Variants in SERPINE3 observed in about 807,000 individuals in gnomAD.
SERPINE3 encodes the protein serpin E3.
In SERPINE3, 43 loss-of-function variants were observed where a neutral mutation model predicts 41.7. The ratio of observed to expected loss-of-function variants is 1.03; its 90% confidence interval spans 0.81 to 1.33. SERPINE3 has a LOEUF of 1.33. Ranked by LOEUF, SERPINE3 falls within the 40% of genes most tolerant of loss-of-function variation. The probability of loss-of-function intolerance (pLI) is 0.00; values close to 1 mark genes in which losing one functional copy is unlikely to be tolerated. For synonymous variants in SERPINE3, 200 were observed against 192.2 expected (o/e 1.04, Z -0.34); for missense variants, 440 against 491.7 (o/e 0.89, Z 0.99).
intron 7 of SERPINE3, among the ~76,000 whole-genome samples, chr13:51,356,907 G>A (rs1466697263): frequency 2.0e-5 from 3 of 151,890 alleles, no homozygotes; most frequent in Non-Finnish European, 2.9e-5. Context: ...TATGAAGCTT[G>A]CATTCACATT....
intron 7 of SERPINE3, among the ~76,000 whole-genome samples, chr13:51,355,430 C>T (rs1955466642): frequency 6.6e-6 from 1 of 152,158 alleles, no homozygotes; most frequent in Non-Finnish European, 1.5e-5. Flanking sequence ...ACCGTCATGA[C>T]TAGGAGTGTA....
At chr13:51,361,085 C>A (rs535321138) in intron 7 of SERPINE3, among the ~76,000 whole-genome samples, 193 bp from the exon 8 acceptor site, 24 of 152,030 alleles carry the variant, frequency 1.6e-4, no homozygotes, top group South Asian at 1.5e-3. Context: ...CATATTGAGT[C>A]TTAAGAATTT....
chr13:51,364,715 A>G lies in SERPINE3; in HGVS notation c.*433A>G, dbSNP rs887894950. 12 of 153,986 alleles carry G rather than the reference A, an allele frequency of 7.8e-5. No homozygotes were observed. The highest frequency in any genetic ancestry group is 2.9e-4 in the African/African-American group (12 of 41,496). 9.5% of individuals were successfully genotyped at this position (153,986 alleles called of 1,614,324 possible). On this transcript the variant is annotated 3_prime_UTR_variant, in exon 10 of 10. Coordinates refer to ENST00000681248, the MANE Select transcript of SERPINE3 (RefSeq NM_001386375.1). ...TCCTTTCCATTTAGCTTATAAATAA[A>G]ACAGAGTTTAAGTGTGAGAACAGCA...
chr13:51,362,841 G>A (rs1437726545), intron 9 of SERPINE3: 3 of 152,428 alleles, frequency 2.0e-5, no homozygotes, highest in East Asian at 3.9e-4. Flanking sequence ...TTTTTGTGAC[G>A]AGAAAGATAT....
intron 3 of SERPINE3, among the ~76,000 whole-genome samples, chr13:51,342,121 A>G (rs1955298055): frequency 2.7e-5 from 4 of 147,484 alleles, no homozygotes; most frequent in Admixed American, 2.1e-4. Flanking sequence ...ACAGATACTC[A>G]CACACATTAA....
In SERPINE3 at chr13:51,344,502, C is replaced by T. The variant is rs1223294660; in HGVS notation, c.490+17C>T. 6.5e-7 allele frequency: 1 copy of T among 1,538,512 alleles called. No individual in the cohort carries two copies. Among genetic ancestry groups the T allele is most frequent in the Non-Finnish European group, 8.8e-7 (1 of 1,133,016 alleles). ...AGACTGCAGGTAAAAGAAAACTGTA[C>T]ATTTCAACAAGGCTAAGGCAGAGGG... On this transcript the variant is annotated intron_variant, in intron 4 of 9. Coordinates refer to ENST00000681248, the MANE Select transcript of SERPINE3 (RefSeq NM_001386375.1).
chr13:51,347,129 C>A lies in SERPINE3; in HGVS notation c.595C>A (p.Arg199=), dbSNP rs373124761. Residue 199 remains arginine (R), a synonymous_variant, in exon 5 of 10, where the codon CGA becomes AGA. Transcript: ENST00000681248. Reference sequence around the variant, plus strand: ...CACCATGTCCTTCCAAGGCACTTGGCGAAAGAGATTCTCCTCCACAGACAC... The same window carrying A: ...CACCATGTCCTTCCAAGGCACTTGGAGAAAGAGATTCTCCTCCACAGACAC... ...VSTMSFQGTW[R]KRFSSTDTQI... is the part of the protein sequence containing the mutation. 8 of 1,613,454 alleles carry A rather than the reference C, an allele frequency of 5.0e-6. No individual in the cohort carries two copies. Among genetic ancestry groups the A allele is most frequent in the Non-Finnish European group, 6.8e-6 (8 of 1,179,694 alleles).
Position 51,347,214 on chromosome 13 carries a change from A to T in SERPINE3, c.680A>T (p.Gln227Leu), listed in dbSNP as rs1410203037. 6.2e-7 allele frequency: 1 copy of T among 1,613,858 alleles called. No individual in the cohort carries two copies. The highest frequency in any genetic ancestry group is 8.5e-7 in the Non-Finnish European group (1 of 1,179,840). ...GLVLQVPMMH[Q>L]TTEVNYGQFQ... The stretch of plus-strand genomic sequence containing the variant: ...GTCCTTCAGGTCCCCATGATGCACC[A>T]AACGACCGAGGTCAACTACGGTGAG... The change falls in exon 5 of 10, where the codon CAA becomes CTA. Residue 227 changes from glutamine (Q) to leucine (L), a missense_variant. Transcript: ENST00000681248.
At position 51,357,077 on chromosome 13, in the gene SERPINE3, T is replaced by C. The variant is rs570261953; in HGVS notation, c.1000+1934T>C. Among the ~76,000 whole-genome samples, 203 of 152,314 alleles carry C rather than the reference T, an allele frequency of 1.3e-3. No individual in the cohort carries two copies. The Middle Eastern group carries it at 0.014, about 10-fold the overall frequency. The stretch of plus-strand genomic sequence containing the variant: ...CATAAATCATCTATGGCTGCTTTCC[T>C]GCTACAGCAGCAAAACTGAGTAGTT... On this transcript the variant is annotated intron_variant, in intron 7 of 9. Coordinates refer to ENST00000681248, the MANE Select transcript of SERPINE3 (RefSeq NM_001386375.1).
Position 51,364,444 on chromosome 13 carries a change from T to G in SERPINE3, c.*162T>G. ...AAAATACTTCAGTTTTTAAATGTTATAAGTTTATTTTGCCTACTCTTAATC... is the reference window on the plus strand; with the variant it reads ...AAAATACTTCAGTTTTTAAATGTTAGAAGTTTATTTTGCCTACTCTTAATC... On this transcript the variant is annotated 3_prime_UTR_variant, in exon 10 of 10. Coordinates refer to ENST00000681248, the MANE Select transcript of SERPINE3 (RefSeq NM_001386375.1). 1 of 513,186 alleles carries G rather than the reference T, an allele frequency of 1.9e-6. No individual in the cohort carries two copies. The highest frequency in any genetic ancestry group is 3.4e-6 in the Non-Finnish European group (1 of 293,738). 31.8% of individuals were successfully genotyped at this position (513,186 alleles called of 1,614,324 possible). A position where few individuals can be genotyped will look rare whatever the true frequency, so the allele number is the denominator to read the frequency against.
chr13:51,347,555 T>A (rs1399190780), intron 5 of SERPINE3, among the ~76,000 whole-genome samples: 1 of 152,248 alleles, frequency 6.6e-6, no homozygotes, highest in Admixed American at 6.5e-5. Flanking sequence ...CGGGATTGAA[T>A]GGCTGCTCCT....
At chr13:51,340,016 A>G (rs1484694513) in intron 1 of SERPINE3, among the ~76,000 whole-genome samples, 1 of 152,182 alleles carries the variant, frequency 6.6e-6, no homozygotes, top group Non-Finnish European at 1.5e-5. Context: ...GGGTTGGAAA[A>G]AAGAGAAGAT....
At chr13:51,345,376 C>T (rs959905135) in intron 4 of SERPINE3, among the ~76,000 whole-genome samples, 6 of 151,914 alleles carry the variant, frequency 3.9e-5, no homozygotes, top group Admixed American at 1.3e-4. Flanking sequence ...GGGCAGATCA[C>T]GAGGTCAGGA....
chr13:51,348,131 G>T, intron 5 of SERPINE3, 82 bp from the exon 6 acceptor site: 2 of 1,094,814 alleles, frequency 1.8e-6, no homozygotes, highest in Non-Finnish European at 2.6e-6. Context: ...AGTCCTCTGA[G>T]CCAGCCTCTC....
rs1955566676 is a variant in SERPINE3 at position 51,361,072 on chromosome 13, TA to T, written c.1001-204del. On this transcript the variant is annotated intron_variant, in intron 7 of 9. Coordinates refer to ENST00000681248, the MANE Select transcript of SERPINE3 (RefSeq NM_001386375.1). ...ATATATATAACAAATTAAAGTTTGGTAACATATTGAGTCTTAAGAATTTTCC... is the reference window on the plus strand; with the variant it reads ...ATATATATAACAAATTAAAGTTTGGTACATATTGAGTCTTAAGAATTTTCC... 3.3e-5 allele frequency among the ~76,000 whole-genome samples: 5 copies of T among 152,038 alleles called. No individual in the cohort carries two copies. In the South Asian group the frequency reaches 1.0e-3, roughly 31 times the overall value.
chr13:51,355,888 C>T (rs150866564), intron 7 of SERPINE3, among the ~76,000 whole-genome samples: 38 of 152,302 alleles, frequency 2.5e-4, no homozygotes, highest in Middle Eastern at 3.4e-3. Flanking sequence ...AAAGATGATA[C>T]TGTAGCTGGT....
chr13:51,364,439 T>C lies in SERPINE3; in HGVS notation c.*157T>C, dbSNP rs1380037647. Reference sequence around the variant, plus strand: ...ACCTAAAAATACTTCAGTTTTTAAATGTTATAAGTTTATTTTGCCTACTCT... The same window carrying C: ...ACCTAAAAATACTTCAGTTTTTAAACGTTATAAGTTTATTTTGCCTACTCT... On this transcript the variant is annotated 3_prime_UTR_variant, in exon 10 of 10. Transcript: ENST00000681248. 2 of 500,836 alleles carry C rather than the reference T, an allele frequency of 4.0e-6. No homozygotes were observed. Among genetic ancestry groups the C allele is most frequent in the Non-Finnish European group, 7.0e-6 (2 of 287,428 alleles). 31.0% of individuals were successfully genotyped at this position (500,836 alleles called of 1,614,324 possible). A position where few individuals can be genotyped will look rare whatever the true frequency, so the allele number is the denominator to read the frequency against.
At chr13:51,347,965 C>T (rs577819721) in intron 5 of SERPINE3, among the ~76,000 whole-genome samples, 1 of 152,124 alleles carries the variant, frequency 6.6e-6, no homozygotes, top group African/African-American at 2.4e-5. Flanking sequence ...GTCCCCCCCC[C>T]CATACCCAGT....
chr13:51,363,617 T>C (rs920590329), intron 9 of SERPINE3: 16 of 152,012 alleles, frequency 1.1e-4, no homozygotes, highest in Non-Finnish European at 1.8e-4. Flanking sequence ...TTCCCCTAGA[T>C]GTATTTCCCT....
Sources: allele counts gnomAD v4.1 joint callset (sites outside exome capture counted in the v4.1 genomes callset), GRCh38; gene constraint gnomAD v4.1.1; transcripts MANE v1.5; gene names NCBI Gene and HGNC (gene_info 2026-07-23, HGNC 2026-07-21).